The following PARD3B variants were observed in gnomAD, a reference collection of about 807,000 sequenced individuals.
PARD3B encodes par-3 family cell polarity regulator beta, also known as partitioning defective 3 homolog B.
A neutral mutation model predicts 130.2 loss-of-function variants in PARD3B; 103 were observed. That is an observed-to-expected ratio of 0.79 (90% CI 0.67 to 0.93). PARD3B has a LOEUF of 0.93. PARD3B is among the 40% of genes least tolerant of loss of function. The pLI, the probability that PARD3B is intolerant of heterozygous loss-of-function variation, is 0.00. For synonymous variants in PARD3B, 583 were observed against 553.2 expected, an observed-to-expected ratio of 1.05 and a Z score of -0.76; for missense variants, 1,609 against 1,499.2, an observed-to-expected ratio of 1.07 and a Z score of -1.21.
chr2:204,993,828 A>G (rs1693920898), intron 3 of PARD3B, among the ~76,000 whole-genome samples: 1 of 150,596 alleles, frequency 6.6e-6, no homozygotes, highest in South Asian at 2.1e-4. Flanking sequence ...GTGTCGAGGA[A>G]TGTATTCATT....
At chr2:205,073,755 A>G (rs1479941470) in intron 4 of PARD3B, among the ~76,000 whole-genome samples, 1 of 152,202 alleles carries the variant, frequency 6.6e-6, no homozygotes. Flanking sequence ...AAACCATTAA[A>G]AAGCCCTAGG....
intron 2 of PARD3B, among the ~76,000 whole-genome samples, chr2:204,744,008 AC>A (rs2040115004): frequency 6.6e-6 from 1 of 152,142 alleles, no homozygotes; most frequent in Non-Finnish European, 1.5e-5. Flanking sequence ...AGAAACCTGG[AC>A]CTCACAAAGG....
At chr2:205,500,098 C>T (rs1045066701) in intron 21 of PARD3B, 67 bp downstream of exon 21, 21 of 1,551,094 alleles carry the variant, frequency 1.4e-5, no homozygotes, top group East Asian at 9.0e-5. Flanking sequence ...CAGAAGAACA[C>T]GGTCAAGAAT....
chr2:205,113,437 T>C (rs1703793417), intron 5 of PARD3B, 54 bp from the exon 6 acceptor site: 4 of 1,224,846 alleles, frequency 3.3e-6, no homozygotes, highest in South Asian at 1.2e-5. Flanking sequence ...TTAGATGTGC[T>C]CCCTCTGTTT....
chr2:205,427,302 G>A (rs900536871), intron 19 of PARD3B, among the ~76,000 whole-genome samples: 3 of 152,202 alleles, frequency 2.0e-5, no homozygotes, highest in Non-Finnish European at 4.4e-5. Flanking sequence ...ATGGACTGAC[G>A]TTTGCACAAG....
intron 3 of PARD3B, among the ~76,000 whole-genome samples, chr2:205,006,455 A>G (rs1183583186): frequency 6.6e-6 from 1 of 152,206 alleles, no homozygotes; most frequent in African/African-American, 2.4e-5. Context: ...TTTTCACTAT[A>G]TCCACACCAA....
At position 205,576,056 on chromosome 2, in the gene PARD3B, T is replaced by C. The variant is rs144485182; in HGVS notation, c.3260+22653T>C. ...CATTTGGTGTTGTCAGTATTTCTAA[T>C]TGTGGCCATCCTAATAGGTATGTAG... On this transcript the variant is annotated intron_variant, in intron 22 of 22. Coordinates refer to ENST00000406610, the MANE Select transcript of PARD3B (RefSeq NM_001302769.2). Among the ~76,000 whole-genome samples, 260 of 152,296 alleles carry C rather than the reference T, an allele frequency of 1.7e-3. 1 individual carries two copies. Among genetic ancestry groups the C allele is most frequent in the Non-Finnish European group, 2.4e-3 (162 of 68,016 alleles).
chr2:205,209,600 A>G (rs1242855218), intron 15 of PARD3B, among the ~76,000 whole-genome samples: 1 of 151,206 alleles, frequency 6.6e-6, no homozygotes, highest in East Asian at 1.9e-4. Context: ...TAAAATATAC[A>G]ATTAAATAAT....
At chr2:205,493,809 G>A (rs2106326302) in intron 20 of PARD3B, among the ~76,000 whole-genome samples, 1 of 151,792 alleles carries the variant, frequency 6.6e-6, no homozygotes, top group African/African-American at 2.4e-5. Context: ...CCAGCCTGGA[G>A]TACAGTGGCA....
At chr2:205,166,427 A>C (rs561459751) in intron 11 of PARD3B, among the ~76,000 whole-genome samples, 6 of 152,212 alleles carry the variant, frequency 3.9e-5, no homozygotes, top group Non-Finnish European at 8.8e-5. Context: ...TATGTACACC[A>C]AAGTACAGTC....
At position 204,973,567 on chromosome 2, in the gene PARD3B, G is replaced by A. The variant is rs539733990; in HGVS notation, c.394+8244G>A. Among the ~76,000 whole-genome samples the A allele has an allele frequency of 4.6e-4, 59 of 127,334 alleles. No homozygotes were observed. In the South Asian group the frequency reaches 0.012, roughly 25 times the overall value. The allele number at this position is 127,334 out of a possible 152,430, so 83.5% of individuals were successfully genotyped here. A position where few individuals can be genotyped will look rare whatever the true frequency, so the allele number is the denominator to read the frequency against. ...TTAAAATTTTCTTTCCACCCAGATG[G>A]GCAGGCAAAAAAAAAAAAAATCCAC... On this transcript the variant is annotated intron_variant, in intron 3 of 22. Transcript: ENST00000406610.
intron 3 of PARD3B, among the ~76,000 whole-genome samples, chr2:205,039,592 T>C (rs1381137222): frequency 6.6e-6 from 1 of 151,892 alleles, no homozygotes; most frequent in Non-Finnish European, 1.5e-5. Context: ...TGCCTCAGCT[T>C]CTCGGGTAGC....
intron 3 of PARD3B, among the ~76,000 whole-genome samples, chr2:205,000,854 T>C (rs1317813675): frequency 6.6e-6 from 1 of 152,208 alleles, no homozygotes; most frequent in Non-Finnish European, 1.5e-5. Context: ...AGTTTTATCC[T>C]GAGACATGCT....
At chr2:204,944,924 G>T (rs1050173337) in intron 2 of PARD3B, among the ~76,000 whole-genome samples, 2 of 152,170 alleles carry the variant, frequency 1.3e-5, no homozygotes, top group Non-Finnish European at 2.9e-5. Context: ...AGAAAAAATT[G>T]CACAAAGTGC....
At chr2:205,559,181 T>G (rs1360277569) in intron 22 of PARD3B, among the ~76,000 whole-genome samples, 2 of 152,232 alleles carry the variant, frequency 1.3e-5, no homozygotes, top group African/African-American at 4.8e-5. Context: ...TGATCTCATC[T>G]GTTGCCCACG....
At chr2:205,170,451 CTTGACGCCTTTGTCTA>C (rs911265885) in intron 11 of PARD3B, among the ~76,000 whole-genome samples, 1 of 152,204 alleles carries the variant, frequency 6.6e-6, no homozygotes, top group Non-Finnish European at 1.5e-5. Context: ...ACATCTCTGA[CTTGACGCCTTTGTCTA>C]TTGATCCCAT....
At chr2:205,033,346 A>C (rs922620522) in intron 3 of PARD3B, among the ~76,000 whole-genome samples, 3 of 152,192 alleles carry the variant, frequency 2.0e-5, no homozygotes, top group South Asian at 2.1e-4. Context: ...TATCTTTCAA[A>C]GTATATTTTA....
At chr2:205,433,661 C>T (rs1274547876) in intron 19 of PARD3B, among the ~76,000 whole-genome samples, 1 of 151,796 alleles carries the variant, frequency 6.6e-6, no homozygotes, top group South Asian at 2.1e-4. Flanking sequence ...CAGAACATTT[C>T]TAGCACCCAT....
chr2:204,912,220 A>G (rs1465434187), intron 2 of PARD3B, among the ~76,000 whole-genome samples: 1 of 152,326 alleles, frequency 6.6e-6, no homozygotes, highest in Non-Finnish European at 1.5e-5. Context: ...AGCAAATTTC[A>G]TAGATTAACA....
Sources: gnomAD v4.1 joint callset for allele counts (sites outside exome capture counted in the v4.1 genomes callset) on GRCh38, gnomAD v4.1.1 for gene constraint, MANE v1.5 for transcripts, NCBI Gene and HGNC (gene_info 2026-07-23, HGNC 2026-07-21) for gene names.